MIER1: variants seen among roughly 807,000 people sequenced by gnomAD.
MIER1 encodes MIER1 transcriptional regulator, also known as mesoderm induction early response protein 1.
Under a neutral mutation model 75.7 loss-of-function variants are expected in MIER1, and 40 were observed. The observed-to-expected ratio is 0.53, with a 90% confidence interval of 0.41 to 0.69. The LOEUF is 0.69. Ranked by LOEUF, MIER1 falls within the 30% of genes least tolerant of loss-of-function variation. The probability of loss-of-function intolerance (pLI) is 0.00; values close to 1 mark genes in which losing one functional copy is unlikely to be tolerated. For missense variants in MIER1, 574 were observed against 680.2 expected (o/e 0.84, Z 1.74); for synonymous variants, 213 against 223.4 (o/e 0.95, Z 0.42).
At chr1:66,943,749 A>G (rs1011472892) in intron 3 of MIER1, among the ~76,000 whole-genome samples, 7 of 152,142 alleles carry the variant, frequency 4.6e-5, no homozygotes, top group African/African-American at 1.7e-4. Flanking sequence ...TGCTTCTGAA[A>G]GGGCACAATG....
intron 4 of MIER1, among the ~76,000 whole-genome samples, chr1:66,953,907 G>C (rs1454329580): frequency 6.6e-6 from 1 of 152,062 alleles, no homozygotes; most frequent in Non-Finnish European, 1.5e-5. Flanking sequence ...CCCAGCATAA[G>C]TAAGCATTTT....
chr1:66,958,062 G>T lies in MIER1; in HGVS notation c.343G>T (p.Gly115Cys). ...CCTTTTATTTTGATTTATTTAGGAA[G>T]GCGACATGCCAATTCATGAACTTCT... is the stretch of plus-strand genomic sequence containing the variant. Reference protein sequence around the residue: ...SSEIEDLAREGDMPIHELLSL... With the variant: ...SSEIEDLARECDMPIHELLSL... The change falls in exon 5 of 14, where the codon GGC (glycine) becomes TGC (cysteine). Residue 115 changes from glycine (G) to cysteine (C), a missense_variant. Physicochemically the swap from Gly to Cys is radical, Grantham distance 159 (BLOSUM62 -3). This residue lies in a region of MIER1 where 309 missense variants were observed against 352.8 expected (regional missense o/e 0.88). Coordinates refer to ENST00000401041, the MANE Select transcript of MIER1 (RefSeq NM_001077700.3). 1 of 1,573,932 alleles carries T rather than the reference G, an allele frequency of 6.4e-7. No homozygotes were observed. The highest frequency in any genetic ancestry group is 8.6e-7 in the Non-Finnish European group (1 of 1,158,400).
intron 12 of MIER1, 24 bp from the exon 13 acceptor site, chr1:66,981,754 TA>T (rs1337217353): frequency 6.5e-7 from 1 of 1,549,360 alleles, no homozygotes; most frequent in South Asian, 1.2e-5. Context: ...CTTTTTAATA[TA>T]AAAATTGTTT....
At chr1:66,977,566 T>C (rs942898707) in intron 12 of MIER1, among the ~76,000 whole-genome samples, 2 of 152,238 alleles carry the variant, frequency 1.3e-5, no homozygotes, top group African/African-American at 4.8e-5. Flanking sequence ...ATCCATTCTT[T>C]ATGTAAAATG....
At chr1:66,955,864 T>G (rs1478831952) in intron 4 of MIER1, among the ~76,000 whole-genome samples, 1 of 152,170 alleles carries the variant, frequency 6.6e-6, no homozygotes, top group Non-Finnish European at 1.5e-5. Context: ...GATATGAGCT[T>G]AAGAAACGTT....
chr1:66,959,678 G>T lies in MIER1; in HGVS notation c.635-1G>T. 7.4e-7 allele frequency: 1 copy of T among 1,345,540 alleles called. No homozygotes were observed. Among genetic ancestry groups the T allele is most frequent in the Non-Finnish European group, 1.0e-6 (1 of 989,030 alleles). 83.4% of individuals were successfully genotyped at this position (1,345,540 alleles called of 1,614,324 possible). A position where few individuals can be genotyped will look rare whatever the true frequency, so the allele number is the denominator to read the frequency against. On this transcript the variant is annotated splice_acceptor_variant, in intron 6 of 13. Coordinates refer to ENST00000401041, the MANE Select transcript of MIER1 (RefSeq NM_001077700.3). LOFTEE classifies it high-confidence loss of function. ...TAGTATTGGTGTCTTATTTATTCTA[G>T]ATAGTGAAGTAGAAGAAGAATCTGA... is the stretch of plus-strand genomic sequence containing the variant.
At chr1:66,960,541 G>A (rs1661053990) in intron 7 of MIER1, among the ~76,000 whole-genome samples, 1 of 152,152 alleles carries the variant, frequency 6.6e-6, no homozygotes, top group Admixed American at 6.5e-5. Flanking sequence ...GCTGGTTGCA[G>A]TGATGTTTCC....
At chr1:66,962,088 T>TAAC (rs1661358559) in intron 7 of MIER1, among the ~76,000 whole-genome samples, 1 of 152,196 alleles carries the variant, frequency 6.6e-6, no homozygotes, top group South Asian at 2.1e-4. Flanking sequence ...AATGTGTTCT[T>TAAC]AACATTTAGC....
intron 7 of MIER1, among the ~76,000 whole-genome samples, chr1:66,962,114 G>A (rs1388735430): frequency 1.3e-5 from 2 of 152,116 alleles, no homozygotes; most frequent in Non-Finnish European, 2.9e-5. Flanking sequence ...CACAAAAGAG[G>A]GTTCATGTAA....
At chr1:66,953,322 G>A (rs1659391020) in intron 4 of MIER1, among the ~76,000 whole-genome samples, 1 of 152,156 alleles carries the variant, frequency 6.6e-6, no homozygotes, top group African/African-American at 2.4e-5. Flanking sequence ...TTAGCACAAA[G>A]CAGGAACACA....
intron 2 of MIER1, chr1:66,929,252 G>A (rs1652526272): frequency 5.7e-6 from 2 of 348,018 alleles, no homozygotes; most frequent in Admixed American, 4.5e-5. Context: ...GTATTTAAAT[G>A]GTTGATTTTG....
intron 6 of MIER1, 135 bp from the exon 7 acceptor site, chr1:66,959,544 G>T: frequency 2.1e-6 from 1 of 471,516 alleles, no homozygotes. Context: ...TAATTATTTG[G>T]TTAGAAATAT....
intron 1 of MIER1, 45 bp from the exon 2 acceptor site, chr1:66,926,096 TC>T (rs1016299107): frequency 2.7e-6 from 4 of 1,457,916 alleles, no homozygotes; most frequent in Non-Finnish European, 3.9e-6. Flanking sequence ...GCTTGTATCA[TC>T]GTTTCTGTCT....
intron 4 of MIER1, among the ~76,000 whole-genome samples, chr1:66,949,984 G>A (rs1658548094): frequency 6.6e-6 from 1 of 152,198 alleles, no homozygotes. Context: ...TGTATGCATG[G>A]ATTATGACAA....
chr1:66,963,595 A>G (rs905869974), intron 8 of MIER1, among the ~76,000 whole-genome samples: 1 of 152,192 alleles, frequency 6.6e-6, no homozygotes, highest in African/African-American at 2.4e-5. Flanking sequence ...TTCACTAAGC[A>G]AAATGGAGTG....
rs1570460942 is a variant in MIER1, at chr1:66,971,596, A to G, written c.925-59A>G. 4.7e-6 allele frequency: 4 copies of G among 849,018 alleles called. No homozygotes were observed. In the East Asian group the frequency reaches 1.1e-4, roughly 23 times the overall value. 52.6% of individuals were successfully genotyped at this position (849,018 alleles called of 1,614,324 possible). A position where few individuals can be genotyped will look rare whatever the true frequency, so the allele number is the denominator to read the frequency against. ...TGGATGTTTGAAAAACTTTTAAGAA[A>G]TTGTAGCATTGAACTGTTTATAGTC... On this transcript the variant is annotated intron_variant, in intron 9 of 13. Transcript: ENST00000401041.
In MIER1 at chr1:66,986,426, G is replaced by C; in HGVS notation, c.*1526G>C. Reference sequence around the variant, plus strand: ...AGGCATACTCCAAATGCTTCTTCCAGTTCATTTTTCAGCCATCAGTTCAAG... The same window carrying C: ...AGGCATACTCCAAATGCTTCTTCCACTTCATTTTTCAGCCATCAGTTCAAG... On this transcript the variant is annotated 3_prime_UTR_variant, in exon 14 of 14. Coordinates refer to ENST00000401041, the MANE Select transcript of MIER1 (RefSeq NM_001077700.3). 1 of 1,613,046 alleles carries C rather than the reference G, an allele frequency of 6.2e-7. No individual in the cohort carries two copies. Among genetic ancestry groups the C allele is most frequent in the African/African-American group, 1.3e-5 (1 of 74,938 alleles).
intron 8 of MIER1, among the ~76,000 whole-genome samples, chr1:66,965,993 A>G (rs1662305226): frequency 6.6e-6 from 1 of 151,950 alleles, no homozygotes; most frequent in East Asian, 1.9e-4. Flanking sequence ...ACTGGATCTC[A>G]TTCTTTTTTT....
rs546264559 is a variant in MIER1 at position 66,936,272 on chromosome 1, G to T, written c.169-3756G>T. On this transcript the variant is annotated intron_variant, in intron 2 of 13. Coordinates refer to ENST00000401041, the MANE Select transcript of MIER1 (RefSeq NM_001077700.3). The stretch of plus-strand genomic sequence containing the variant: ...GACGGAGTCTCTGTTGCCCAGGCTG[G>T]AGTGCGGTGGCGCTTTCTGGGCTCA... Among the ~76,000 whole-genome samples, 14 of 152,146 alleles carry T rather than the reference G, an allele frequency of 9.2e-5. 1 individual carries two copies. In the East Asian group the frequency reaches 1.3e-3, roughly 15 times the overall value.
Sources: allele counts gnomAD v4.1 joint callset (sites outside exome capture counted in the v4.1 genomes callset), GRCh38; gene constraint gnomAD v4.1.1; regional missense constraint gnomAD v4.1.1; transcripts MANE v1.5; gene names NCBI Gene and HGNC (gene_info 2026-07-23, HGNC 2026-07-21).